SLC43A1: variants seen among roughly 807,000 people sequenced by gnomAD.
SLC43A1 encodes the protein solute carrier family 43 member 1, also known as large neutral amino acids transporter small subunit 3.
SLC43A1 carries 31 observed loss-of-function variants against 59.5 expected under a neutral mutation model. The observed-to-expected ratio is 0.52, with a 90% CI of 0.39 to 0.70. The LOEUF (loss-of-function observed/expected upper bound fraction) is 0.70, where lower values mean the gene tolerates loss of function less well. SLC43A1 is among the 30% of genes least tolerant of loss of function. SLC43A1 has a pLI of 0.00. For missense variants in SLC43A1, 598 were observed against 717.8 expected (o/e 0.83, Z 1.91); for synonymous variants, 259 against 290.9 (o/e 0.89, Z 1.12).
Position 57,498,811 on chromosome 11 carries a change from T to C in SLC43A1, c.466-966A>G, listed in dbSNP as rs1944164813. On this transcript the variant is annotated intron_variant, in intron 5 of 14. Transcript: ENST00000278426. ...AACCCACACCAGGAGAGAATTTAAT[T>C]GATCATGTGTTCCACTCACCTGCCT... Among the ~76,000 whole-genome samples, 10 of 152,112 alleles carry C rather than the reference T, an allele frequency of 6.6e-5. No individual in the cohort carries two copies. The South Asian group carries it at 2.1e-3, about 31-fold the overall frequency.
chr11:57,492,510 TA>T (rs1429455998), intron 8 of SLC43A1, among the ~76,000 whole-genome samples: 9 of 124,036 alleles, frequency 7.3e-5, no homozygotes, highest in African/African-American at 2.7e-4. Context: ...ATATAATATA[TA>T]ATAATATAAT....
Position 57,497,506 on chromosome 11 carries a change from G to T in SLC43A1, c.558+247C>A, listed in dbSNP as rs151206134. Reference sequence around the variant, plus strand: ...AGGTTTTTCAGCAGTGTGTGAGCCAGTTCCCCATCTGAGATCTTTCTGGAA... The same window carrying T: ...AGGTTTTTCAGCAGTGTGTGAGCCATTTCCCCATCTGAGATCTTTCTGGAA... On this transcript the variant is annotated intron_variant, in intron 6 of 14. Coordinates refer to ENST00000278426, the MANE Select transcript of SLC43A1 (RefSeq NM_003627.6). Among the ~76,000 whole-genome samples, 3 of 152,366 alleles carry T rather than the reference G, an allele frequency of 2.0e-5. No individual in the cohort carries two copies. The South Asian group carries it at 6.2e-4, about 32-fold the overall frequency.
At chr11:57,498,314 G>A (rs757561046) in intron 5 of SLC43A1, among the ~76,000 whole-genome samples, 5 of 152,162 alleles carry the variant, frequency 3.3e-5, no homozygotes, top group Non-Finnish European at 2.9e-5. Flanking sequence ...GGTGGCATGC[G>A]CCTGTAATCC....
intron 8 of SLC43A1, among the ~76,000 whole-genome samples, chr11:57,493,563 T>C (rs1195133457): frequency 6.6e-6 from 1 of 152,098 alleles, no homozygotes; most frequent in Non-Finnish European, 1.5e-5. Context: ...TCATGTACCC[T>C]CCTGAGAAGC....
chr11:57,489,382 C>T lies in SLC43A1; in HGVS notation c.1204G>A (p.Ala402Thr), dbSNP rs1290833296. The change falls in exon 12 of 15, where the codon GCT (alanine) becomes ACT (threonine). Residue 402 changes from alanine to threonine, a missense_variant. By Grantham distance (58) the Ala-to-Thr change is moderately conservative. Transcript: ENST00000278426. ...TVLGDARDGV[A>T]TKSIRPRYCK... Reference sequence around the variant, plus strand: ...TAGCGTGGTCTGATGGATTTGGTAGCAACCCCGTCCCTGAGGAGTACGGGA... The same window carrying T: ...TAGCGTGGTCTGATGGATTTGGTAGTAACCCCGTCCCTGAGGAGTACGGGA... 4.3e-6 allele frequency: 7 copies of T among 1,614,174 alleles called. No individual in the cohort carries two copies. The highest frequency in any genetic ancestry group is 5.1e-6 in the Non-Finnish European group (6 of 1,180,030).
intron 6 of SLC43A1, 33 bp downstream of exon 6, chr11:57,497,720 C>T: frequency 6.4e-7 from 1 of 1,570,764 alleles, no homozygotes; most frequent in Non-Finnish European, 8.8e-7. Context: ...GTTCTTGTGT[C>T]AAGACAAAAA....
At chr11:57,501,394 GC>G in intron 2 of SLC43A1, 65 bp from the exon 3 acceptor site, 1 of 1,556,874 alleles carries the variant, frequency 6.4e-7, no homozygotes, top group Non-Finnish European at 8.8e-7. Flanking sequence ...GGAGACAGCA[GC>G]CCACAGTCAG....
chr11:57,501,779 C>G (rs1009598058), intron 2 of SLC43A1, among the ~76,000 whole-genome samples: 2 of 152,100 alleles, frequency 1.3e-5, no homozygotes, highest in South Asian at 4.2e-4. Context: ...ACAGGCAGAT[C>G]GCTTAAGCCT....
intron 8 of SLC43A1, among the ~76,000 whole-genome samples, chr11:57,492,361 G>T (rs1350928875): frequency 7.1e-6 from 1 of 140,416 alleles, no homozygotes; most frequent in Non-Finnish European, 1.5e-5. Flanking sequence ...GCTGAGGCAG[G>T]AGGATTGCTT....
At chr11:57,499,656 C>G (rs566156270) in intron 5 of SLC43A1, 1 of 152,338 alleles carries the variant, frequency 6.6e-6, no homozygotes, top group Non-Finnish European at 1.5e-5. Flanking sequence ...ACGTCCTCGT[C>G]CAAGTCTGGG....
At chr11:57,512,890 C>T (rs191220358) in intron 2 of SLC43A1, among the ~76,000 whole-genome samples, 1 of 152,234 alleles carries the variant, frequency 6.6e-6, no homozygotes, top group African/African-American at 2.4e-5. Flanking sequence ...GTGGAGCAGC[C>T]GCTGTTCAGA....
chr11:57,507,421 G>A (rs886954559), intron 2 of SLC43A1, among the ~76,000 whole-genome samples: 2 of 152,180 alleles, frequency 1.3e-5, no homozygotes, highest in Admixed American at 1.3e-4. Flanking sequence ...AGTGAGCGGT[G>A]ATTGCGCTGC....
Position 57,514,102 on chromosome 11 carries a change from T to G in SLC43A1, c.10A>C (p.Thr4Pro), listed in dbSNP as rs1944620566. ...CGCCTCCGGTACGCCTGTTGCAGCG[T>G]GGGGGCCATGCTGGCCCCGAGCCTG... MAPTLQQAYRRRWW... is the reference protein window; with the variant it reads MAPPLQQAYRRRWW... Residue 4 changes from threonine (T) to proline (P), a missense_variant, in exon 2 of 15, where the codon ACG (threonine) becomes CCG (proline). Transcript: ENST00000278426. This position sits in a 1 kb window ranked among gnomAD's most constrained non-coding sequence, Gnocchi z 5.5. 6.3e-7 allele frequency: 1 copy of G among 1,589,362 alleles called. No homozygotes were observed. The highest frequency in any genetic ancestry group is 8.6e-7 in the Non-Finnish European group (1 of 1,168,674).
intron 14 of SLC43A1, among the ~76,000 whole-genome samples, chr11:57,485,833 T>C (rs554615268): frequency 6.6e-6 from 1 of 152,318 alleles, no homozygotes; most frequent in Admixed American, 6.5e-5. Context: ...TAAAAAAAAG[T>C]ATGCATCATG....
Position 57,514,061 on chromosome 11 carries a change from G to A in SLC43A1, c.51C>T (p.Cys17=), listed in dbSNP as rs1944619499. The change falls in exon 2 of 15, where the codon TGC becomes TGT. Residue 17 remains cysteine (C), a synonymous_variant. Coordinates refer to ENST00000278426, the MANE Select transcript of SLC43A1 (RefSeq NM_003627.6). The surrounding 1 kb of genome is among the most constrained non-coding windows in gnomAD (Gnocchi z 5.5). ...AGAAGAGGTTCTCCAGCACAGCCGT[G>A]CAGGCCATCCACCAGCGCCTCCGGT... is the stretch of plus-strand genomic sequence containing the variant. ...QAYRRRWWMA[C]TAVLENLFFS... is the part of the protein sequence containing the mutation. The A allele has an allele frequency of 6.2e-7, 1 of 1,606,842 alleles. No individual in the cohort carries two copies. The highest frequency in any genetic ancestry group is 1.1e-5 in the South Asian group (1 of 89,612).
At chr11:57,511,625 CAAA>C (rs1241419215) in intron 2 of SLC43A1, among the ~76,000 whole-genome samples, 1 of 151,976 alleles carries the variant, frequency 6.6e-6, no homozygotes, top group African/African-American at 2.4e-5. Flanking sequence ...TCATAATAGC[CAAA>C]ATGTGAAAAC....
At chr11:57,493,877 G>T in intron 8 of SLC43A1, 116 bp downstream of exon 8, 1 of 946,704 alleles carries the variant, frequency 1.1e-6, no homozygotes, top group Non-Finnish European at 1.5e-6. Flanking sequence ...CCTACATCAT[G>T]GGGTGTTGTA....
intron 9 of SLC43A1, 45 bp from the exon 10 acceptor site, chr11:57,491,671 A>G (rs1590749954): frequency 6.2e-7 from 1 of 1,613,546 alleles, no homozygotes; most frequent in African/African-American, 1.3e-5. Context: ...AGCCAGGGTG[A>G]CCCGCCTGTG....
Position 57,496,888 on chromosome 11 carries a change from C to A in SLC43A1, c.559-724G>T, listed in dbSNP as rs1028358732. Among the ~76,000 whole-genome samples, 8 of 152,202 alleles carry A rather than the reference C, an allele frequency of 5.3e-5. 1 individual carries two copies. Among genetic ancestry groups the A allele is most frequent in the African/African-American group, 1.9e-4 (8 of 41,442 alleles). On this transcript the variant is annotated intron_variant, in intron 6 of 14. Coordinates refer to ENST00000278426, the MANE Select transcript of SLC43A1 (RefSeq NM_003627.6). ...CTCTCCCCTCAGGCTCCTGCTCAAACCTTTTTCTCTGCAGTCTTGGACCTT... is the reference window on the plus strand; with the variant it reads ...CTCTCCCCTCAGGCTCCTGCTCAAAACTTTTTCTCTGCAGTCTTGGACCTT...
Sources: gnomAD v4.1 joint callset for allele counts (sites outside exome capture counted in the v4.1 genomes callset) on GRCh38, gnomAD v4.1.1 for gene constraint, Gnocchi (gnomAD v3.1) non-coding constraint, MANE v1.5 for transcripts, NCBI Gene and HGNC (gene_info 2026-07-23, HGNC 2026-07-21) for gene names.